TACR3: variants seen among roughly 807,000 people sequenced by gnomAD.
The protein encoded by TACR3 is tachykinin receptor 3.
In TACR3, 34 loss-of-function variants were observed where a neutral mutation model predicts 35.0. That is an observed-to-expected ratio of 0.97 (90% CI 0.74 to 1.30). The LOEUF (loss-of-function observed/expected upper bound fraction) is 1.30. Ranked by LOEUF, TACR3 falls within the 50% of genes most tolerant of loss-of-function variation. The pLI is 0.00. For synonymous variants in TACR3, 233 were observed against 221.1 expected, an observed-to-expected ratio of 1.05 and a Z score of -0.48; for missense variants, 558 against 591.7, an observed-to-expected ratio of 0.94 and a Z score of 0.59.
chr4:103,594,480 T>C (rs1445412659), intron 3 of TACR3, among the ~76,000 whole-genome samples: 2 of 152,166 alleles, frequency 1.3e-5, no homozygotes, highest in Non-Finnish European at 2.9e-5. Context: ...CCCGGCCTAA[T>C]ATAATTATTT....
rs1322632631 is a variant in TACR3, at chr4:103,591,647, C to A, written c.925G>T (p.Ala309Ser). The A allele has an allele frequency of 6.2e-7, 1 of 1,613,368 alleles. No homozygotes were observed. The highest frequency in any genetic ancestry group is 1.7e-5 in the Admixed American group (1 of 59,916). Reference protein sequence around the residue: ...KMMIIVVMTFAICWLPYHIYF... With the variant: ...KMMIIVVMTFSICWLPYHIYF... ...ATATGATAGGGCAGCCAGCAGATAGCAAATGTCATGACAACAATAATCATC... is the reference window on the plus strand; with the variant it reads ...ATATGATAGGGCAGCCAGCAGATAGAAAATGTCATGACAACAATAATCATC... Residue 309 changes from alanine (A) to serine (S), a missense_variant, in exon 4 of 5, where the codon GCT (alanine) becomes TCT (serine). By Grantham distance (99) the Ala-to-Ser change is moderately conservative. Coordinates refer to ENST00000304883, the MANE Select transcript of TACR3 (RefSeq NM_001059.3).
At chr4:103,668,250 C>T (rs541430126) in intron 1 of TACR3, among the ~76,000 whole-genome samples, 1 of 152,226 alleles carries the variant, frequency 6.6e-6, no homozygotes, top group South Asian at 2.1e-4. Flanking sequence ...TTATAGGTTT[C>T]CCAGCACATT....
intron 3 of TACR3, among the ~76,000 whole-genome samples, chr4:103,613,731 C>T (rs1724564686): frequency 6.6e-6 from 1 of 152,178 alleles, no homozygotes. Context: ...TTTATTTTCT[C>T]ACAGTTCTTT....
chr4:103,715,537 T>A (rs1378246193), intron 1 of TACR3, among the ~76,000 whole-genome samples: 4 of 152,136 alleles, frequency 2.6e-5, no homozygotes, highest in Admixed American at 2.6e-4. Context: ...TTACCCAGTC[T>A]CAGGTATATC....
intron 1 of TACR3, among the ~76,000 whole-genome samples, chr4:103,714,969 A>C (rs983714466): frequency 1.3e-5 from 2 of 152,164 alleles, no homozygotes; most frequent in Non-Finnish European, 2.9e-5. Context: ...AAGATTACCA[A>C]ATAAATTAAA....
At chr4:103,697,110 G>C (rs73835399) in intron 1 of TACR3, among the ~76,000 whole-genome samples, 1 of 152,066 alleles carries the variant, frequency 6.6e-6, no homozygotes, top group South Asian at 2.1e-4. Context: ...TGGCATGTGA[G>C]TTTAACACTG....
intron 3 of TACR3, among the ~76,000 whole-genome samples, chr4:103,628,969 G>T (rs945361525): frequency 6.6e-6 from 1 of 152,176 alleles, no homozygotes; most frequent in Non-Finnish European, 1.5e-5. Context: ...TCCCTGGGAT[G>T]CAAGGCTGGT....
rs1038660564 is a variant in TACR3 at position 103,705,527 on chromosome 4, C to T, written c.548+13601G>A. ...CTCTTAGACCAAATTATCAACCAAA[C>T]AGTCTTAAACAGAAACATAAAATTT... is the stretch of plus-strand genomic sequence containing the variant. On this transcript the variant is annotated intron_variant, in intron 1 of 4. Coordinates refer to ENST00000304883, the MANE Select transcript of TACR3 (RefSeq NM_001059.3). 7.0e-4 allele frequency among the ~76,000 whole-genome samples: 107 copies of T among 152,108 alleles called. 1 individual carries two copies. Among genetic ancestry groups the T allele is most frequent in the Admixed American group, 6.5e-4 (10 of 15,270 alleles).
Position 103,632,268 on chromosome 4 carries a change from A to G in TACR3, c.888+23926T>C, listed in dbSNP as rs545843048. On this transcript the variant is annotated intron_variant, in intron 3 of 4. Coordinates refer to ENST00000304883, the MANE Select transcript of TACR3 (RefSeq NM_001059.3). ...AAATTCTGATAGAAATCTTGTCATTATACATGGAACCAACCCAAATGCCCA... is the reference window on the plus strand; with the variant it reads ...AAATTCTGATAGAAATCTTGTCATTGTACATGGAACCAACCCAAATGCCCA... Among the ~76,000 whole-genome samples the G allele has an allele frequency of 3.9e-5, 6 of 152,290 alleles. No homozygotes were observed. The East Asian group carries it at 5.8e-4, about 15-fold the overall frequency.
chr4:103,702,066 A>G (rs1353294681), intron 1 of TACR3, among the ~76,000 whole-genome samples: 2 of 152,210 alleles, frequency 1.3e-5, no homozygotes, highest in African/African-American at 4.8e-5. Context: ...TAATTAAACT[A>G]AAGAGCTTCA....
chr4:103,605,051 A>C (rs570604927), intron 3 of TACR3, among the ~76,000 whole-genome samples: 2 of 146,404 alleles, frequency 1.4e-5, no homozygotes, highest in East Asian at 4.1e-4. Context: ...TCATTGTTCA[A>C]TTCCCACCTA....
intron 3 of TACR3, among the ~76,000 whole-genome samples, chr4:103,625,455 G>GAAAAA (rs1167765867): frequency 1.3e-5 from 2 of 151,196 alleles, no homozygotes; most frequent in Non-Finnish European, 2.9e-5. Context: ...AGGGAAAGTG[G>GAAAAA]AAAAAAAACT....
chr4:103,620,426 C>A (rs989384166), intron 3 of TACR3, among the ~76,000 whole-genome samples: 1 of 152,196 alleles, frequency 6.6e-6, no homozygotes, highest in African/African-American at 2.4e-5. Flanking sequence ...GAAAATAAAT[C>A]ATTCTACCTA....
At chr4:103,607,466 TAAAAC>T (rs955126190) in intron 3 of TACR3, among the ~76,000 whole-genome samples, 13 of 151,818 alleles carry the variant, frequency 8.6e-5, no homozygotes, top group African/African-American at 1.9e-4. Context: ...TTAAAATAAA[TAAAAC>T]AAAAATACTT....
intron 3 of TACR3, among the ~76,000 whole-genome samples, chr4:103,608,650 T>C (rs1231225415): frequency 6.6e-6 from 1 of 152,134 alleles, no homozygotes; most frequent in East Asian, 1.9e-4. Context: ...AAATTAAACA[T>C]ACTGAAAGGT....
At chr4:103,623,571 G>A (rs1724829916) in intron 3 of TACR3, among the ~76,000 whole-genome samples, 1 of 152,006 alleles carries the variant, frequency 6.6e-6, no homozygotes, top group African/African-American at 2.4e-5. Flanking sequence ...ACTTAAGGAG[G>A]GTGTGGGTTA....
intron 1 of TACR3, among the ~76,000 whole-genome samples, chr4:103,697,856 C>T (rs1423004639): frequency 6.6e-6 from 1 of 152,144 alleles, no homozygotes; most frequent in Non-Finnish European, 1.5e-5. Flanking sequence ...TATTTGTGAA[C>T]TAAAACTTTA....
intron 3 of TACR3, among the ~76,000 whole-genome samples, chr4:103,617,843 A>C (rs539636920): frequency 6.6e-6 from 1 of 152,324 alleles, no homozygotes; most frequent in East Asian, 1.9e-4. Context: ...TTAAGTAATG[A>C]CTTAAATAGA....
At chr4:103,656,465 T>C in intron 2 of TACR3, 121 bp from the exon 3 acceptor site, 1 of 899,910 alleles carries the variant, frequency 1.1e-6, no homozygotes, top group South Asian at 1.5e-5. Flanking sequence ...ATTATCTCTA[T>C]ACATTCATCT....
Sources: gnomAD v4.1 joint callset for allele counts (sites outside exome capture counted in the v4.1 genomes callset) on GRCh38, gnomAD v4.1.1 for gene constraint, MANE v1.5 for transcripts, NCBI Gene and HGNC (gene_info 2026-07-23, HGNC 2026-07-21) for gene names.